TRMT9B: variants seen among roughly 807,000 people sequenced by gnomAD.
TRMT9B encodes tRNA methyltransferase 9B (putative).
In TRMT9B, 16 loss-of-function variants were observed where a neutral mutation model predicts 11.5. The ratio of observed to expected loss-of-function variants is 1.39; its 90% confidence interval spans 0.94 to 2.11. The LOEUF (loss-of-function observed/expected upper bound fraction) is 2.11, where lower values mean the gene tolerates loss of function less well. Ranked by LOEUF, TRMT9B falls within the 30% of genes most tolerant of loss-of-function variation. The pLI, the probability that TRMT9B is intolerant of heterozygous loss-of-function variation, is 0.00. For synonymous variants in TRMT9B, 274 were observed against 192.4 expected (o/e 1.42, Z -3.51); for missense variants, 941 against 553.8 (o/e 1.70, Z -7.02).
At position 13,027,604 on chromosome 8, in the gene TRMT9B, G is replaced by C. The variant is rs917603029; in HGVS notation, c.*5560G>C. On this transcript the variant is annotated 3_prime_UTR_variant, in exon 5 of 5. Coordinates refer to ENST00000524591, the MANE Select transcript of TRMT9B (RefSeq NM_020844.3). ...TTCTGTTCTGCAATCTGCTATTTTA[G>C]ACAAAGCTTTCATAAGAAATTACAT... 6 of 166,908 alleles carry C rather than the reference G, an allele frequency of 3.6e-5. No individual in the cohort carries two copies. The highest frequency in any genetic ancestry group is 1.4e-4 in the African/African-American group (6 of 41,384). 10.3% of individuals were successfully genotyped at this position (166,908 alleles called of 1,614,324 possible).
At chr8:13,008,642 A>C (rs1199774424) in intron 3 of TRMT9B, among the ~76,000 whole-genome samples, 2 of 152,270 alleles carry the variant, frequency 1.3e-5, no homozygotes, top group African/African-American at 4.8e-5. Context: ...CACAAGACAA[A>C]AATCTAGACA....
chr8:12,989,731 G>T (rs1806996748), intron 1 of TRMT9B, among the ~76,000 whole-genome samples: 1 of 152,162 alleles, frequency 6.6e-6, no homozygotes, highest in African/African-American at 2.4e-5. Context: ...CCTGTCATAG[G>T]GACTCAGTTA....
At chr8:12,992,318 A>C (rs1232376067) in intron 2 of TRMT9B, among the ~76,000 whole-genome samples, 2 of 151,324 alleles carry the variant, frequency 1.3e-5, no homozygotes, top group African/African-American at 4.9e-5. Flanking sequence ...CAGTATCCGG[A>C]AAAATGTCCT....
At chr8:12,966,563 A>G (rs546645791) in intron 1 of TRMT9B, among the ~76,000 whole-genome samples, 2 of 152,338 alleles carry the variant, frequency 1.3e-5, no homozygotes, top group South Asian at 2.1e-4. Context: ...GATTTCCATG[A>G]TAATACAGCT....
chr8:12,986,062 A>G (rs965900350), intron 1 of TRMT9B, among the ~76,000 whole-genome samples: 1 of 152,014 alleles, frequency 6.6e-6, no homozygotes, highest in African/African-American at 2.4e-5. Context: ...GGGTTTCACC[A>G]TGCTGGACAA....
chr8:12,970,094 A>T (rs1803382223), intron 1 of TRMT9B: 1 of 152,242 alleles, frequency 6.6e-6, no homozygotes, highest in Non-Finnish European at 1.5e-5. Context: ...ACTGTTGCTG[A>T]ATAAACTTTA....
rs186126013 is a variant in TRMT9B at position 12,999,602 on chromosome 8, C to T, written c.-1-6600C>T. Among the ~76,000 whole-genome samples, 145 of 152,164 alleles carry T rather than the reference C, an allele frequency of 9.5e-4. 1 individual carries two copies. Among genetic ancestry groups the T allele is most frequent in the Admixed American group, 1.6e-3 (25 of 15,284 alleles). On this transcript the variant is annotated intron_variant, in intron 2 of 4. Transcript: ENST00000524591. ...TTCCATCATTCATGAATTCACTAAA[C>T]GTATTTAGACCTATTACATTTAGGG...
chr8:13,012,547 C>A, intron 3 of TRMT9B, 137 bp from the exon 4 acceptor site: 1 of 1,161,756 alleles, frequency 8.6e-7, no homozygotes, highest in Non-Finnish European at 1.2e-6. Flanking sequence ...TGCACTCCAG[C>A]CTGGGTGACT....
At chr8:12,956,699 G>A (rs748495575) in intron 1 of TRMT9B, among the ~76,000 whole-genome samples, 25 of 152,222 alleles carry the variant, frequency 1.6e-4, no homozygotes, top group Admixed American at 9.8e-4. Flanking sequence ...TGTTTTTCCC[G>A]AATCTTTCTC....
At chr8:12,969,049 T>G (rs1397730262) in intron 1 of TRMT9B, among the ~76,000 whole-genome samples, 2 of 152,120 alleles carry the variant, frequency 1.3e-5, no homozygotes, top group East Asian at 3.9e-4. Flanking sequence ...CCATCTCTAC[T>G]AATAATAGAA....
chr8:13,009,317 A>C (rs907245506), intron 3 of TRMT9B, among the ~76,000 whole-genome samples: 4 of 152,096 alleles, frequency 2.6e-5, no homozygotes, highest in African/African-American at 9.7e-5. Context: ...AGTATCAAAC[A>C]GAAGGAATTA....
chr8:13,017,614 C>CTTTTTT (rs34715221), intron 4 of TRMT9B, among the ~76,000 whole-genome samples: 7 of 117,538 alleles, frequency 6.0e-5, no homozygotes, highest in Non-Finnish European at 9.9e-5. Flanking sequence ...CATTTGTAGG[C>CTTTTTT]TTTTTTTTTT....
rs1009617768 is a variant in TRMT9B, at chr8:13,027,661, T to C, written c.*5617T>C. 1.2e-5 allele frequency: 2 copies of C among 167,040 alleles called. No individual in the cohort carries two copies. The highest frequency in any genetic ancestry group is 4.8e-5 in the African/African-American group (2 of 41,450). The allele number at this position is 167,040 out of a possible 1,614,324, so 10.3% of individuals were successfully genotyped here. A position where few individuals can be genotyped will look rare whatever the true frequency, so the allele number is the denominator to read the frequency against. On this transcript the variant is annotated 3_prime_UTR_variant, in exon 5 of 5. Transcript: ENST00000524591. ...AAGTAATTCCCACATTCCCTAGATA[T>C]ATACTTGGATTTCAAATGCCATAAT...
At chr8:12,992,727 G>A (rs1344478908) in intron 2 of TRMT9B, among the ~76,000 whole-genome samples, 4 of 151,886 alleles carry the variant, frequency 2.6e-5, no homozygotes, top group African/African-American at 4.8e-5. Flanking sequence ...CAGGTGTGAC[G>A]GCATGCACCT....
At chr8:12,994,027 G>C (rs570825703) in intron 2 of TRMT9B, among the ~76,000 whole-genome samples, 4 of 152,184 alleles carry the variant, frequency 2.6e-5, no homozygotes, top group African/African-American at 9.7e-5. Flanking sequence ...AATTTCCTGG[G>C]CGAGGGAGAA....
chr8:12,983,323 CA>C (rs34588849), intron 1 of TRMT9B, among the ~76,000 whole-genome samples: 2 of 149,174 alleles, frequency 1.3e-5, no homozygotes, highest in South Asian at 2.1e-4. Flanking sequence ...AGTTCCAAGA[CA>C]AAAAAAAAAT....
intron 1 of TRMT9B, among the ~76,000 whole-genome samples, chr8:12,975,281 A>G (rs2460348): frequency 1 from 152,207 of 152,268 alleles, 76,073 homozygotes; most frequent in Middle Eastern, 1. Context: ...GGGAATCAAA[A>G]TGGTCCACTC....
intron 1 of TRMT9B, among the ~76,000 whole-genome samples, chr8:12,955,842 C>T (rs1024494310): frequency 1.3e-5 from 2 of 152,176 alleles, no homozygotes; most frequent in South Asian, 2.1e-4. Flanking sequence ...CGTTGGCTCC[C>T]GGGCGGCAAG....
At chr8:13,012,568 C>G in intron 3 of TRMT9B, 116 bp from the exon 4 acceptor site, 10 of 1,305,728 alleles carry the variant, frequency 7.7e-6, no homozygotes, top group East Asian at 5.5e-5. Context: ...GAGGGAGACT[C>G]TGTCTCAAAA....
Sources: allele counts gnomAD v4.1 joint callset (sites outside exome capture counted in the v4.1 genomes callset), GRCh38; gene constraint gnomAD v4.1.1; transcripts MANE v1.5; gene names NCBI Gene and HGNC (gene_info 2026-07-23, HGNC 2026-07-21).